The following PAAF1 variants were observed in gnomAD, a reference collection of about 807,000 sequenced individuals.
The protein encoded by PAAF1 is proteasomal ATPase associated factor 1.
In PAAF1, 46 loss-of-function variants were observed where a neutral mutation model predicts 52.8. The observed-to-expected ratio is 0.87, with a 90% CI of 0.69 to 1.11. The LOEUF is 1.11. PAAF1 is among the 50% of genes most tolerant of loss of function. The probability of loss-of-function intolerance (pLI) is 0.00; values close to 1 mark genes in which losing one functional copy is unlikely to be tolerated. For synonymous variants in PAAF1, 178 were observed against 172.8 expected (o/e 1.03, Z -0.24); for missense variants, 424 against 477.4 (o/e 0.89, Z 1.04).
intron 10 of PAAF1, among the ~76,000 whole-genome samples, chr11:73,920,129 C>T (rs1259363284): frequency 6.6e-6 from 1 of 151,820 alleles, no homozygotes; most frequent in Non-Finnish European, 1.5e-5. Context: ...TTTGGGAAAA[C>T]CTGAAACTGA....
chr11:73,922,159 C>A, intron 10 of PAAF1: 2 of 903,120 alleles, frequency 2.2e-6, no homozygotes, highest in Non-Finnish European at 3.5e-6. Flanking sequence ...AGTTCAGTGT[C>A]AGGATCCATG....
chr11:73,926,224 A>G (rs1039397165), intron 11 of PAAF1, among the ~76,000 whole-genome samples: 1 of 152,028 alleles, frequency 6.6e-6, no homozygotes, highest in Non-Finnish European at 1.5e-5. Flanking sequence ...CTCCTGCCTC[A>G]GCCTCTCGAG....
intron 4 of PAAF1, among the ~76,000 whole-genome samples, chr11:73,898,800 G>T (rs1949507827): frequency 6.6e-6 from 1 of 152,078 alleles, no homozygotes; most frequent in Admixed American, 6.5e-5. Flanking sequence ...GGTGATGGGA[G>T]TGAAACTCTG....
intron 1 of PAAF1, among the ~76,000 whole-genome samples, chr11:73,877,610 G>A (rs1948779267): frequency 6.6e-6 from 1 of 152,200 alleles, no homozygotes; most frequent in Non-Finnish European, 1.5e-5. Context: ...TCCAGGCCAG[G>A]CGCAGTGGCT....
At position 73,921,680 on chromosome 11, in the gene PAAF1, C is replaced by G. The variant is rs1348587681; in HGVS notation, c.1018+2648C>G. 3.7e-6 allele frequency: 3 copies of G among 804,894 alleles called. No homozygotes were observed. The South Asian group carries it at 4.0e-5, about 11-fold the overall frequency. 49.9% of individuals were successfully genotyped at this position (804,894 alleles called of 1,614,324 possible). ...TTCACTGTCCAGGTCTTGAAAGACT[C>G]TAGCATGAACTGTCTCTTCACAAAA... On this transcript the variant is annotated intron_variant, in intron 10 of 11. Transcript: ENST00000310571.
intron 6 of PAAF1, among the ~76,000 whole-genome samples, chr11:73,908,349 GTATATA>G (rs1422085637): frequency 2.9e-5 from 4 of 137,934 alleles, no homozygotes; most frequent in African/African-American, 3.1e-5. Context: ...GTATATATGT[GTATATA>G]TGTGTGTATA....
chr11:73,909,106 A>G (rs982656970), intron 6 of PAAF1, among the ~76,000 whole-genome samples: 3 of 152,158 alleles, frequency 2.0e-5, no homozygotes, highest in Admixed American at 6.5e-5. Context: ...TTCTTTTTAA[A>G]AAAGAGTTTT....
intron 3 of PAAF1, 52 bp from the exon 4 acceptor site, chr11:73,891,060 A>C: frequency 9.4e-7 from 1 of 1,059,642 alleles, no homozygotes; most frequent in Non-Finnish European, 1.4e-6. Context: ...CTTTAATTAT[A>C]ATACATTGGA....
At chr11:73,900,522 T>G in intron 6 of PAAF1, 102 bp downstream of exon 6, 1 of 1,351,350 alleles carries the variant, frequency 7.4e-7, no homozygotes, top group Non-Finnish European at 1.0e-6. Context: ...ACACAAATAA[T>G]CCATCCAGCT....
chr11:73,908,327 G>A (rs1949823192), intron 6 of PAAF1, among the ~76,000 whole-genome samples: 1 of 142,980 alleles, frequency 7.0e-6, no homozygotes, highest in African/African-American at 2.6e-5. Context: ...GTGTATATAT[G>A]TATATATATG....
intron 4 of PAAF1, among the ~76,000 whole-genome samples, chr11:73,898,755 A>G (rs968761264): frequency 7.9e-5 from 12 of 152,204 alleles, no homozygotes; most frequent in African/African-American, 2.4e-4. Flanking sequence ...CAGAGGTTGC[A>G]GTGAGCTGAG....
intron 8 of PAAF1, among the ~76,000 whole-genome samples, chr11:73,915,741 T>A (rs1950044347): frequency 6.6e-6 from 1 of 152,244 alleles, no homozygotes; most frequent in Admixed American, 6.5e-5. Context: ...TCCCAGAGAT[T>A]AGATTTTTAA....
intron 6 of PAAF1, among the ~76,000 whole-genome samples, chr11:73,908,349 G>GTATATATGTGTATATATATATGTA (rs1565143770): frequency 7.2e-6 from 1 of 137,934 alleles, no homozygotes; most frequent in African/African-American, 3.1e-5. Context: ...GTATATATGT[G>GTATATATGTGTATATATATATGTA]TATATATGTG....
chr11:73,918,734 G>T (rs1428729272), intron 9 of PAAF1, among the ~76,000 whole-genome samples: 1 of 151,900 alleles, frequency 6.6e-6, no homozygotes, highest in Non-Finnish European at 1.5e-5. Context: ...TCAGGATTTG[G>T]GTGGTGACTT....
intron 5 of PAAF1, among the ~76,000 whole-genome samples, 187 bp downstream of exon 5, chr11:73,899,431 T>TTAGTA (rs1949531765): frequency 7.2e-6 from 1 of 138,094 alleles, no homozygotes; most frequent in Admixed American, 7.3e-5. Flanking sequence ...TTTTTTTTTT[T>TTAGTA]GAGACAGTCT....
intron 4 of PAAF1, among the ~76,000 whole-genome samples, chr11:73,897,583 T>G (rs1210538379): frequency 1.6e-5 from 2 of 126,576 alleles, no homozygotes; most frequent in Non-Finnish European, 1.7e-5. Context: ...TTCCCAGATG[T>G]GATGGCGGCC....
chr11:73,911,117 T>C (rs1185727681), intron 7 of PAAF1, among the ~76,000 whole-genome samples: 1 of 151,910 alleles, frequency 6.6e-6, no homozygotes, highest in Non-Finnish European at 1.5e-5. Flanking sequence ...CTGATGAACC[T>C]ACGTGACACA....
chr11:73,897,501 C>T (rs1363071085), intron 4 of PAAF1, among the ~76,000 whole-genome samples: 5 of 151,648 alleles, frequency 3.3e-5, no homozygotes, highest in Non-Finnish European at 5.9e-5. Context: ...CCTCACATCC[C>T]GGACAGGGTG....
intron 2 of PAAF1, chr11:73,886,991 T>C: frequency 2.2e-6 from 1 of 447,334 alleles, no homozygotes; most frequent in Non-Finnish European, 4.4e-6. Context: ...CACCATGTGA[T>C]CTCTGCATAC....
Sources: allele counts gnomAD v4.1 joint callset (sites outside exome capture counted in the v4.1 genomes callset), GRCh38; gene constraint gnomAD v4.1.1; transcripts MANE v1.5; gene names NCBI Gene and HGNC (gene_info 2026-07-23, HGNC 2026-07-21).